The following TBL1XR1 variants were observed in gnomAD, a reference collection of about 807,000 sequenced individuals.
TBL1XR1 encodes F-box-like/WD repeat-containing protein TBL1XR1.
Under a neutral mutation model 66.9 loss-of-function variants are expected in TBL1XR1, and 5 were observed. The observed-to-expected ratio is 0.07, with a 90% CI of 0.04 to 0.16. The LOEUF is 0.16. TBL1XR1 is among the 10% of genes least tolerant of loss of function. The probability of loss-of-function intolerance (pLI) is 1.00; values close to 1 mark genes in which losing one functional copy is unlikely to be tolerated. For synonymous variants in TBL1XR1, 210 were observed against 206.0 expected (o/e 1.02, Z -0.17); for missense variants, 238 against 623.2 (o/e 0.38, Z 6.58).
intron 7 of TBL1XR1, among the ~76,000 whole-genome samples, chr3:177,049,532 A>G (rs1210419258): frequency 6.6e-6 from 1 of 152,216 alleles, no homozygotes; most frequent in African/African-American, 2.4e-5. Context: ...CTAAAAGGAA[A>G]TTGGTAATAA....
In TBL1XR1 at chr3:177,073,591, C is replaced by T. The variant is rs1436458674; in HGVS notation, c.-45-8569G>A. 5.3e-5 allele frequency among the ~76,000 whole-genome samples: 8 copies of T among 152,092 alleles called. No individual in the cohort carries two copies. The East Asian group carries it at 1.5e-3, about 29-fold the overall frequency. Reference sequence around the variant, plus strand: ...ATCATTTTACTTAAATTTAGTTTTTCTATCATGCATGTAACAAATGTTTTA... The same window carrying T: ...ATCATTTTACTTAAATTTAGTTTTTTTATCATGCATGTAACAAATGTTTTA... On this transcript the variant is annotated intron_variant, in intron 2 of 15. Transcript: ENST00000457928.
At chr3:177,120,784 C>A (rs1417554906) in intron 1 of TBL1XR1, 3 of 152,254 alleles carry the variant, frequency 2.0e-5, no homozygotes, top group Non-Finnish European at 4.4e-5. Flanking sequence ...AGTTAACTCA[C>A]TACCTTCGGA....
chr3:177,124,969 T>G (rs1245938030), intron 1 of TBL1XR1, among the ~76,000 whole-genome samples: 1 of 151,888 alleles, frequency 6.6e-6, no homozygotes, highest in African/African-American at 2.4e-5. Context: ...TCTGAAACAC[T>G]TAGAAGAAAA....
At chr3:177,137,013 C>T (rs896298153) in intron 1 of TBL1XR1, among the ~76,000 whole-genome samples, 1 of 152,128 alleles carries the variant, frequency 6.6e-6, no homozygotes, top group African/African-American at 2.4e-5. Flanking sequence ...AGAAAAAGCA[C>T]TCAGCAAGTG....
At position 177,189,664 on chromosome 3, in the gene TBL1XR1, A is replaced by AAATTAAAATTTC. The variant is rs57549428; in HGVS notation, c.-122+7456_-122+7457insGAAATTTTAATT. ...GACTCCATCTCAAAAAAAAAAAAAA[A>AAATTAAAATTTC]AGAAGGATGTAACACCAAATTAGTT... is the stretch of plus-strand genomic sequence containing the variant. On this transcript the variant is annotated intron_variant, in intron 1 of 15. Transcript: ENST00000457928. Among the ~76,000 whole-genome samples, 27 of 141,928 alleles carry AAATTAAAATTTC rather than the reference A, an allele frequency of 1.9e-4. 1 individual carries two copies. Among genetic ancestry groups the AAATTAAAATTTC allele is most frequent in the African/African-American group, 2.4e-4 (9 of 36,822 alleles). The allele number at this position is 141,928 out of a possible 152,430, so 93.1% of individuals were successfully genotyped here.
intron 10 of TBL1XR1, among the ~76,000 whole-genome samples, chr3:177,042,880 G>A (rs759661703): frequency 2.6e-5 from 4 of 151,766 alleles, no homozygotes; most frequent in African/African-American, 4.8e-5. Flanking sequence ...ACCTATGAGC[G>A]AAGAAGGATG....
intron 5 of TBL1XR1, 110 bp downstream of exon 5, chr3:177,051,394 T>G (rs1327026625): frequency 6.4e-6 from 6 of 943,892 alleles, no homozygotes; most frequent in Non-Finnish European, 7.8e-6. Context: ...CAAACCCCTG[T>G]GATATGAGTT....
At chr3:177,095,218 G>A (rs900386529) in intron 2 of TBL1XR1, among the ~76,000 whole-genome samples, 2 of 152,000 alleles carry the variant, frequency 1.3e-5, no homozygotes, top group Admixed American at 6.6e-5. Flanking sequence ...GGGGGAGAGG[G>A]GGGTGTTGGG....
At chr3:177,097,704 A>C (rs1723673402) in intron 2 of TBL1XR1, among the ~76,000 whole-genome samples, 2 of 152,230 alleles carry the variant, frequency 1.3e-5, no homozygotes, top group Non-Finnish European at 2.9e-5. Context: ...CATAACTAAA[A>C]AATATTAGGA....
At chr3:177,112,088 TATATATA>T (rs1725655788) in intron 1 of TBL1XR1, among the ~76,000 whole-genome samples, 3 of 51,392 alleles carry the variant, frequency 5.8e-5, no homozygotes, top group Non-Finnish European at 1.0e-4. Flanking sequence ...TATATATATA[TATATATA>T]TATATATATA....
intron 2 of TBL1XR1, among the ~76,000 whole-genome samples, chr3:177,078,423 A>T (rs1317039): frequency 0.3 from 45,259 of 150,676 alleles, 7,189 homozygotes; most frequent in East Asian, 0.58. Flanking sequence ...AAAAAAAAAA[A>T]TTTTGGTTTT....
At chr3:177,140,161 C>A (rs1472629612) in intron 1 of TBL1XR1, among the ~76,000 whole-genome samples, 3 of 152,170 alleles carry the variant, frequency 2.0e-5, no homozygotes, top group African/African-American at 7.2e-5. Context: ...ATTAGCTGGG[C>A]GTGGTGGCAC....
intron 1 of TBL1XR1, among the ~76,000 whole-genome samples, chr3:177,136,961 C>A (rs1729070060): frequency 6.6e-6 from 1 of 152,136 alleles, no homozygotes; most frequent in African/African-American, 2.4e-5. Context: ...TATACGGTCT[C>A]TCAAAAAAGA....
chr3:177,156,427 A>T (rs919078332), intron 1 of TBL1XR1, among the ~76,000 whole-genome samples: 4 of 151,324 alleles, frequency 2.6e-5, no homozygotes, highest in African/African-American at 9.7e-5. Context: ...TGAACCCAGG[A>T]GGCAGAGGTT....
Position 177,020,282 on chromosome 3 carries a change from G to A in TBL1XR1, c.*5216C>T, listed in dbSNP as rs1004151663. On this transcript the variant is annotated 3_prime_UTR_variant, in exon 16 of 16. Transcript: ENST00000457928. ...CTAAGGTCTCTTTTTCAGCTTCTGTGAAATAACGTCTTTTAAATACAATAT... is the reference window on the plus strand; with the variant it reads ...CTAAGGTCTCTTTTTCAGCTTCTGTAAAATAACGTCTTTTAAATACAATAT... 8 of 151,818 alleles carry A rather than the reference G, an allele frequency of 5.3e-5. No homozygotes were observed. Among genetic ancestry groups the A allele is most frequent in the African/African-American group, 1.9e-4 (8 of 41,342 alleles). The allele number at this position is 151,818 out of a possible 1,614,324, so 9.4% of individuals were successfully genotyped here. A position where few individuals can be genotyped will look rare whatever the true frequency, so the allele number is the denominator to read the frequency against.
At chr3:177,054,312 T>A (rs1717530750) in intron 3 of TBL1XR1, among the ~76,000 whole-genome samples, 1 of 152,154 alleles carries the variant, frequency 6.6e-6, no homozygotes, top group Non-Finnish European at 1.5e-5. Context: ...AAGGGACATT[T>A]AATATTTCTG....
chr3:177,085,328 T>C (rs999244456), intron 2 of TBL1XR1, among the ~76,000 whole-genome samples: 1 of 152,190 alleles, frequency 6.6e-6, no homozygotes, highest in Admixed American at 6.5e-5. Context: ...AGCAAAGACT[T>C]TGAAAACTGA....
intron 1 of TBL1XR1, among the ~76,000 whole-genome samples, chr3:177,133,757 C>T (rs1728577358): frequency 6.6e-6 from 1 of 151,192 alleles, no homozygotes; most frequent in Non-Finnish European, 1.5e-5. Flanking sequence ...CAAAAATTAG[C>T]TGGGCATGGT....
intron 2 of TBL1XR1, among the ~76,000 whole-genome samples, chr3:177,086,185 T>G (rs887040448): frequency 6.6e-6 from 1 of 151,468 alleles, no homozygotes; most frequent in Non-Finnish European, 1.5e-5. Flanking sequence ...CAGGCAGAAT[T>G]TATTCTAATA....
Sources: gnomAD v4.1 joint callset for allele counts (sites outside exome capture counted in the v4.1 genomes callset) on GRCh38, gnomAD v4.1.1 for gene constraint, MANE v1.5 for transcripts, NCBI Gene and HGNC (gene_info 2026-07-23, HGNC 2026-07-21) for gene names.